The following KHSRP variants were observed in gnomAD, a reference collection of about 807,000 sequenced individuals.
The protein encoded by KHSRP is far upstream element-binding protein 2.
Under a neutral mutation model 94.9 loss-of-function variants are expected in KHSRP, and 13 were observed. The observed-to-expected ratio is 0.14, with a 90% CI of 0.09 to 0.22. The LOEUF is 0.22. Among genes scored for constraint, KHSRP ranks in the 10% least tolerant of loss-of-function variants. The probability of loss-of-function intolerance (pLI) is 1.00; values close to 1 mark genes in which losing one functional copy is unlikely to be tolerated. For synonymous variants in KHSRP, 495 were observed against 401.4 expected (o/e 1.23, Z -2.79); for missense variants, 710 against 1,010.0 (o/e 0.70, Z 4.03).
intron 1 of KHSRP, 123 bp from the exon 2 acceptor site, chr19:6,422,559 C>A: frequency 2.9e-6 from 2 of 679,210 alleles, no homozygotes; most frequent in Non-Finnish European, 5.1e-6. Context: ...TCTGGCCCTC[C>A]AACTTAGGGA....
Position 6,414,787 on chromosome 19 carries a change from G to A in KHSRP, c.*237C>T. ...AAGTGGCCAGATTGTGAGCGAGGTGGTGGCGGCCGGGCCGGTGCCCACCGT... is the reference window on the plus strand; with the variant it reads ...AAGTGGCCAGATTGTGAGCGAGGTGATGGCGGCCGGGCCGGTGCCCACCGT... On this transcript the variant is annotated 3_prime_UTR_variant, in exon 19 of 19. Coordinates refer to ENST00000600480, the MANE Select transcript of KHSRP (RefSeq NM_001366299.1). The A allele has an allele frequency of 1.7e-6, 2 of 1,147,280 alleles. No homozygotes were observed. Among genetic ancestry groups the A allele is most frequent in the South Asian group, 7.3e-5 (2 of 27,490 alleles). 71.1% of individuals were successfully genotyped at this position (1,147,280 alleles called of 1,614,324 possible).
chr19:6,421,762 A>G (rs545721337), intron 2 of KHSRP, 74 bp from the exon 3 acceptor site: 164 of 1,551,920 alleles, frequency 1.1e-4, no homozygotes, highest in Non-Finnish European at 1.3e-4. Context: ...CTGGTGCCAC[A>G]TGTCCAAGGT....
rs781093576 is a variant in KHSRP at position 6,415,107 on chromosome 19, AAGG to A, written c.2158_2160del (p.Pro720del). ...ACGGTGGCCGGGGGTTGGAAGGAGA[AAGG>A]AGGAGGAGGAGGGTGGCAATTCCCA... is the stretch of plus-strand genomic sequence containing the variant. On this transcript the variant is annotated inframe_deletion, in exon 19 of 19. Transcript: ENST00000600480. 1.0e-4 allele frequency: 164 copies of A among 1,595,310 alleles called. No individual in the cohort carries two copies. Among genetic ancestry groups the A allele is most frequent in the Admixed American group, 4.4e-4 (26 of 58,912 alleles).
rs1051784 is a variant in KHSRP at position 6,414,440 on chromosome 19, G to A, written c.*584C>T. 501,998 of 1,219,764 alleles carry A rather than the reference G, an allele frequency of 0.41. 105,860 individuals carry two copies. Among genetic ancestry groups the A allele is most frequent in the African/African-American group, 0.63 (40,889 of 64,746 alleles). 75.6% of individuals were successfully genotyped at this position (1,219,764 alleles called of 1,614,324 possible). Reference sequence around the variant, plus strand: ...AGGGCGGTGGCTCCCGGCGCAGCACGACGACATGAACAATCCAGAGATCAT... The same window carrying A: ...AGGGCGGTGGCTCCCGGCGCAGCACAACGACATGAACAATCCAGAGATCAT... On this transcript the variant is annotated 3_prime_UTR_variant, in exon 19 of 19. Transcript: ENST00000600480.
chr19:6,417,689 A>C (rs777955137), intron 11 of KHSRP, 50 bp downstream of exon 11: 2 of 1,525,922 alleles, frequency 1.3e-6, no homozygotes, highest in Admixed American at 3.4e-5. Flanking sequence ...CCTGCCTCCC[A>C]AAGAGGGTGG....
At chr19:6,416,155 G>A in intron 15 of KHSRP, 143 bp downstream of exon 15, 1 of 680,968 alleles carries the variant, frequency 1.5e-6, no homozygotes, top group Non-Finnish European at 2.5e-6. Flanking sequence ...AGACAGGAGA[G>A]GGCCTGTTGA....
intron 1 of KHSRP, among the ~76,000 whole-genome samples, chr19:6,423,064 G>C (rs895686202): frequency 6.6e-6 from 1 of 152,202 alleles, no homozygotes; most frequent in Non-Finnish European, 1.5e-5. Flanking sequence ...CAGATCACTT[G>C]AACTCAGGAG....
chr19:6,418,858 C>T lies in KHSRP; in HGVS notation c.624G>A (p.Leu208=). The change falls in exon 8 of 19, where the codon CTG becomes CTA. Residue 208 remains leucine, a synonymous_variant. Coordinates refer to ENST00000600480, the MANE Select transcript of KHSRP (RefSeq NM_001366299.1). The surrounding 1 kb of genome is among the most constrained non-coding windows in gnomAD (Gnocchi z 4.3). The part of the protein sequence containing the change: ...PESVQKAKMM[L]DDIVSRGRGG... ...CACGACCCCGAGACACAATGTCATCCAGCATCATCTTGGCTTTCCTGGGAA... is the reference window on the plus strand; with the variant it reads ...CACGACCCCGAGACACAATGTCATCTAGCATCATCTTGGCTTTCCTGGGAA... The T allele has an allele frequency of 6.4e-7, 1 of 1,554,328 alleles. No homozygotes were observed. The highest frequency in any genetic ancestry group is 8.7e-7 in the Non-Finnish European group (1 of 1,155,282).
Position 6,414,416 on chromosome 19 carries a change from G to T in KHSRP, c.*608C>A. 7.8e-7 allele frequency: 1 copy of T among 1,273,898 alleles called. No homozygotes were observed. 78.9% of individuals were successfully genotyped at this position (1,273,898 alleles called of 1,614,324 possible). A position where few individuals can be genotyped will look rare whatever the true frequency, so the allele number is the denominator to read the frequency against. ...GTAGGGGAGCTGCCCTGTCTCCGGA[G>T]GGCGGTGGCTCCCGGCGCAGCACGA... On this transcript the variant is annotated 3_prime_UTR_variant, in exon 19 of 19. Coordinates refer to ENST00000600480, the MANE Select transcript of KHSRP (RefSeq NM_001366299.1).
intron 5 of KHSRP, 87 bp from the exon 6 acceptor site, chr19:6,420,231 C>A: frequency 7.7e-7 from 1 of 1,294,418 alleles, no homozygotes; most frequent in Non-Finnish European, 1.1e-6. Context: ...GGCCCCAGCC[C>A]CTCTGACGTT....
chr19:6,416,943 C>A (rs754797699), intron 12 of KHSRP, 44 bp downstream of exon 12: 1 of 1,613,356 alleles, frequency 6.2e-7, no homozygotes, highest in Admixed American at 1.7e-5. Context: ...TCTTGCACTC[C>A]CCTGGAGGCC....
Position 6,415,836 on chromosome 19 carries a change from C to G in KHSRP, c.1659G>C (p.Gln553His), listed in dbSNP as rs368528290. 2 of 1,576,180 alleles carry G rather than the reference C, an allele frequency of 1.3e-6. No individual in the cohort carries two copies. The highest frequency in any genetic ancestry group is 2.3e-5 in the South Asian group (2 of 85,692). Residue 553 changes from glutamine (Q) to histidine (H), a missense_variant, in exon 16 of 19, where the codon CAG becomes CAC. Physicochemically the swap from Gln to His is conservative, Grantham distance 24. This residue lies in a region of KHSRP where 292 missense variants were observed against 340.5 expected (regional missense o/e 0.86). Transcript: ENST00000600480. ...PPQGWGNTYP[Q>H]WQPPAPHDPS... Reference sequence around the variant, plus strand: ...GGTCATGAGGAGCAGGCGGCTGCCACTGGGGGTAGGTATTGCCCCAGCCCT... The same window carrying G: ...GGTCATGAGGAGCAGGCGGCTGCCAGTGGGGGTAGGTATTGCCCCAGCCCT...
chr19:6,421,634 G>A lies in KHSRP; in HGVS notation c.385+16C>T, dbSNP rs769765064. 5.6e-6 allele frequency: 9 copies of A among 1,613,534 alleles called. No individual in the cohort carries two copies. The East Asian group carries it at 2.0e-4, about 36-fold the overall frequency. ...CTCTGAAGCCACATATCTGCCACCA[G>A]ACCCCCTGGACTTACAGTCTCCCTG... On this transcript the variant is annotated intron_variant, in intron 3 of 18. Coordinates refer to ENST00000600480, the MANE Select transcript of KHSRP (RefSeq NM_001366299.1).
intron 15 of KHSRP, 109 bp from the exon 16 acceptor site, chr19:6,416,005 AC>A: frequency 1.4e-6 from 1 of 734,238 alleles, no homozygotes; most frequent in Non-Finnish European, 2.2e-6. Context: ...GACCCAGACC[AC>A]CAGGCTCAAC....
chr19:6,417,891 CT>C (rs765806746), intron 10 of KHSRP, 50 bp from the exon 11 acceptor site: 2 of 1,603,632 alleles, frequency 1.2e-6, no homozygotes, highest in Non-Finnish European at 1.7e-6. Context: ...CTGCTGCCCT[CT>C]GCTGCCCACT....
Position 6,414,095 on chromosome 19 carries a change from G to A in KHSRP, c.*929C>T. ...AAAAAGATTTTTCACAGATGAAGAAGTTCACATTCATTCGATTCATTGAGC... is the reference window on the plus strand; with the variant it reads ...AAAAAGATTTTTCACAGATGAAGAAATTCACATTCATTCGATTCATTGAGC... On this transcript the variant is annotated 3_prime_UTR_variant, in exon 19 of 19. Coordinates refer to ENST00000600480, the MANE Select transcript of KHSRP (RefSeq NM_001366299.1). The A allele has an allele frequency of 6.5e-7, 1 of 1,529,492 alleles. No homozygotes were observed. The highest frequency in any genetic ancestry group is 1.1e-5 in the South Asian group (1 of 89,588). 94.7% of individuals were successfully genotyped at this position (1,529,492 alleles called of 1,614,324 possible).
intron 1 of KHSRP, among the ~76,000 whole-genome samples, chr19:6,423,615 G>A (rs1400809580): frequency 1.3e-5 from 2 of 152,204 alleles, no homozygotes; most frequent in East Asian, 3.8e-4. Flanking sequence ...TGAGAGAGAC[G>A]ACAGAGGGCC....
At chr19:6,421,582 A>C in intron 3 of KHSRP, 68 bp downstream of exon 3, 3 of 1,552,714 alleles carry the variant, frequency 1.9e-6, no homozygotes, top group Non-Finnish European at 1.8e-6. Context: ...CAGTGCTTCC[A>C]GCTCCTGACT....
Position 6,413,984 on chromosome 19 carries a change from G to A in KHSRP, c.*1040C>T, listed in dbSNP as rs1184435955. On this transcript the variant is annotated 3_prime_UTR_variant, in exon 19 of 19. Coordinates refer to ENST00000600480, the MANE Select transcript of KHSRP (RefSeq NM_001366299.1). ...CCAAGTCCCCCCCACCCTGCTTGCC[G>A]CGAGGGCTCCCCAGTACTCCCCACG... 2.6e-5 allele frequency: 23 copies of A among 886,414 alleles called. No homozygotes were observed. The highest frequency in any genetic ancestry group is 1.6e-4 in the African/African-American group (9 of 57,250). The allele number at this position is 886,414 out of a possible 1,614,324, so 54.9% of individuals were successfully genotyped here. A position where few individuals can be genotyped will look rare whatever the true frequency, so the allele number is the denominator to read the frequency against.
Sources: allele counts gnomAD v4.1 joint callset (sites outside exome capture counted in the v4.1 genomes callset), GRCh38; gene constraint gnomAD v4.1.1; regional missense constraint gnomAD v4.1.1; non-coding constraint Gnocchi (gnomAD v3.1); transcripts MANE v1.5; gene names NCBI Gene and HGNC (gene_info 2026-07-23, HGNC 2026-07-21).